TSPAN12: variants seen among roughly 807,000 people sequenced by gnomAD.
TSPAN12 encodes the protein tetraspanin-12.
Under a neutral mutation model 39.2 loss-of-function variants are expected in TSPAN12, and 19 were observed. That is an observed-to-expected ratio of 0.49 (90% confidence interval 0.34 to 0.71). The LOEUF (loss-of-function observed/expected upper bound fraction) is 0.71, where lower values mean the gene tolerates loss of function less well. Ranked by LOEUF, TSPAN12 falls within the 30% of genes least tolerant of loss-of-function variation. The pLI, the probability that TSPAN12 is intolerant of heterozygous loss-of-function variation, is 0.01. For synonymous variants in TSPAN12, 119 were observed against 124.8 expected, an observed-to-expected ratio of 0.95 and a Z score of 0.31; for missense variants, 314 against 359.9, an observed-to-expected ratio of 0.87 and a Z score of 1.03.
At chr7:120,834,134 G>C (rs1039888690) in intron 4 of TSPAN12, among the ~76,000 whole-genome samples, 2 of 152,040 alleles carry the variant, frequency 1.3e-5, no homozygotes, top group African/African-American at 4.8e-5. Flanking sequence ...AATCTAATGA[G>C]TACGTTTGCC....
chr7:120,802,617 G>A, intron 7 of TSPAN12, among the ~76,000 whole-genome samples: 1 of 152,054 alleles, frequency 6.6e-6, no homozygotes, highest in East Asian at 1.9e-4. Context: ...ATTTAGAAGA[G>A]CAAATGGAAC....
intron 6 of TSPAN12, 103 bp downstream of exon 6, chr7:120,810,360 T>G: frequency 1.3e-6 from 1 of 790,440 alleles, no homozygotes; most frequent in South Asian, 1.4e-5. Flanking sequence ...ACAGGCTTAA[T>G]TTTTCAGCAC....
At chr7:120,812,348 G>T (rs1243747565) in intron 5 of TSPAN12, among the ~76,000 whole-genome samples, 3 of 152,158 alleles carry the variant, frequency 2.0e-5, no homozygotes, top group Non-Finnish European at 4.4e-5. Context: ...TGGGAAACTG[G>T]ATGGACATTC....
intron 4 of TSPAN12, among the ~76,000 whole-genome samples, chr7:120,824,015 A>C (rs1786687910): frequency 6.6e-6 from 1 of 152,180 alleles, no homozygotes; most frequent in South Asian, 2.1e-4. Context: ...AAAGGAGGTG[A>C]GTGGAGATTG....
At chr7:120,804,289 A>G (rs374858476) in intron 7 of TSPAN12, among the ~76,000 whole-genome samples, 19 of 152,260 alleles carry the variant, frequency 1.2e-4, no homozygotes, top group African/African-American at 4.6e-4. Context: ...ATGTAATACT[A>G]CCTCAGAAAT....
intron 2 of TSPAN12, among the ~76,000 whole-genome samples, chr7:120,855,369 G>A (rs1794851572): frequency 6.6e-6 from 1 of 152,168 alleles, no homozygotes; most frequent in African/African-American, 2.4e-5. Context: ...TTTAGAAGTG[G>A]AATGTGATGA....
At chr7:120,802,409 A>G (rs1259541967) in intron 7 of TSPAN12, among the ~76,000 whole-genome samples, 2 of 152,064 alleles carry the variant, frequency 1.3e-5, no homozygotes, top group Admixed American at 6.6e-5. Flanking sequence ...ATTCCTAACA[A>G]TCTATCTTAA....
intron 2 of TSPAN12, among the ~76,000 whole-genome samples, chr7:120,855,037 C>T (rs1446202860): frequency 6.6e-6 from 1 of 152,146 alleles, no homozygotes; most frequent in Non-Finnish European, 1.5e-5. Context: ...GGAATAGGTG[C>T]TTTTATGCAA....
chr7:120,807,690 G>A (rs1247092532), intron 6 of TSPAN12, among the ~76,000 whole-genome samples: 1 of 151,860 alleles, frequency 6.6e-6, no homozygotes, highest in African/African-American at 2.4e-5. Context: ...TAACTTTGAA[G>A]AATTCCGAAC....
At chr7:120,839,058 C>G (rs1794531534) in intron 3 of TSPAN12, 146 bp from the exon 4 acceptor site, 11 of 886,284 alleles carry the variant, frequency 1.2e-5, no homozygotes, top group Non-Finnish European at 1.9e-5. Flanking sequence ...TTTTCAAAAT[C>G]ACTGTGCTAT....
chr7:120,811,341 G>A (rs1477810490), intron 5 of TSPAN12, among the ~76,000 whole-genome samples: 2 of 152,124 alleles, frequency 1.3e-5, no homozygotes, highest in African/African-American at 4.8e-5. Flanking sequence ...TGTGGAACCA[G>A]CCCAAGCCCA....
chr7:120,826,191 T>C (rs1377911461), intron 4 of TSPAN12, among the ~76,000 whole-genome samples: 1 of 152,220 alleles, frequency 6.6e-6, no homozygotes, highest in Non-Finnish European at 1.5e-5. Flanking sequence ...TAATTTCTTA[T>C]TAAAGATGTT....
At position 120,801,119 on chromosome 7, in the gene TSPAN12, A is replaced by AT. The variant is rs554806873; in HGVS notation, c.612+5429dup. ...TGTCTTTAACAAGTGTCATTAAATG[A>AT]TTTTTTTTTTCTTTAGCAACATGAG... On this transcript the variant is annotated intron_variant, in intron 7 of 7. Coordinates refer to ENST00000222747, the MANE Select transcript of TSPAN12 (RefSeq NM_012338.4). Among the ~76,000 whole-genome samples the AT allele has an allele frequency of 3.5e-3, 530 of 150,112 alleles. 5 individuals carry two copies. The highest frequency in any genetic ancestry group is 7.0e-3 in the South Asian group (33 of 4,746).
chr7:120,803,753 A>G (rs1276512285), intron 7 of TSPAN12, among the ~76,000 whole-genome samples: 1 of 152,216 alleles, frequency 6.6e-6, no homozygotes, highest in Admixed American at 6.5e-5. Flanking sequence ...AATCTGGGCT[A>G]TCAACTTGCA....
chr7:120,813,750 C>T (rs1794027538), intron 5 of TSPAN12, among the ~76,000 whole-genome samples: 1 of 152,150 alleles, frequency 6.6e-6, no homozygotes, highest in Non-Finnish European at 1.5e-5. Context: ...ACACATTTAT[C>T]ATTTGAAAAC....
chr7:120,827,104 G>A (rs369045574), intron 4 of TSPAN12, among the ~76,000 whole-genome samples: 11 of 150,402 alleles, frequency 7.3e-5, no homozygotes, highest in Admixed American at 6.0e-4. Flanking sequence ...TAGATTAGGC[G>A]AAAGAAAACT....
intron 4 of TSPAN12, among the ~76,000 whole-genome samples, chr7:120,828,716 T>C (rs1562947990): frequency 6.7e-6 from 1 of 149,302 alleles, no homozygotes; most frequent in Non-Finnish European, 1.5e-5. Context: ...ACTTTCGGAA[T>C]GAAAGTACTT....
intron 1 of TSPAN12, among the ~76,000 whole-genome samples, chr7:120,857,510 G>C (rs1381792588): frequency 3.3e-5 from 5 of 150,642 alleles, no homozygotes; most frequent in Non-Finnish European, 7.4e-5. Context: ...GTGGGCGGGG[G>C]GCGGGGGGCG....
intron 7 of TSPAN12, among the ~76,000 whole-genome samples, chr7:120,796,259 C>T (rs1793627691): frequency 6.6e-6 from 1 of 152,118 alleles, no homozygotes; most frequent in South Asian, 2.1e-4. Context: ...GGTGTTAAAA[C>T]AAGCAAAGTG....
Sources: allele counts gnomAD v4.1 joint callset (sites outside exome capture counted in the v4.1 genomes callset), GRCh38; gene constraint gnomAD v4.1.1; transcripts MANE v1.5; gene names NCBI Gene and HGNC (gene_info 2026-07-23, HGNC 2026-07-21).